Variants in STAG1 observed in about 807,000 individuals in gnomAD.
STAG1 encodes the protein cohesin subunit SA-1.
Under a neutral mutation model 170.9 loss-of-function variants are expected in STAG1, and 26 were observed. The observed-to-expected ratio is 0.15, with a 90% CI of 0.11 to 0.21. The LOEUF (loss-of-function observed/expected upper bound fraction) is 0.21. STAG1 is among the 10% of genes least tolerant of loss of function. The pLI, the probability that STAG1 is intolerant of heterozygous loss-of-function variation, is 1.00. For missense variants in STAG1, 964 were observed against 1,509.5 expected (o/e 0.64, Z 5.99); for synonymous variants, 514 against 497.7 (o/e 1.03, Z -0.44).
intron 6 of STAG1, among the ~76,000 whole-genome samples, chr3:136,528,508 A>G (rs1163210261): frequency 2.6e-5 from 3 of 115,572 alleles, no homozygotes; most frequent in African/African-American, 9.6e-5. Context: ...CCCCCCCCAA[A>G]AAATCACTAA....
chr3:136,584,722 T>G (rs903906760), intron 4 of STAG1, among the ~76,000 whole-genome samples: 1 of 152,186 alleles, frequency 6.6e-6, no homozygotes, highest in Non-Finnish European at 1.5e-5. Context: ...AGCCTCTGAG[T>G]GACAGGTGAA....
At chr3:136,414,922 G>A (rs1426658033) in intron 21 of STAG1, among the ~76,000 whole-genome samples, 1 of 152,130 alleles carries the variant, frequency 6.6e-6, no homozygotes, top group African/African-American at 2.4e-5. Flanking sequence ...GTGAGGGAAA[G>A]GGATCAGGGA....
chr3:136,734,128 A>C (rs953423004), intron 1 of STAG1, among the ~76,000 whole-genome samples: 26 of 151,414 alleles, frequency 1.7e-4, no homozygotes, highest in Non-Finnish European at 3.2e-4. Flanking sequence ...AAAAAACAAA[A>C]CAAAACAAAA....
chr3:136,546,589 T>C (rs1002048179), intron 5 of STAG1, among the ~76,000 whole-genome samples: 1 of 151,784 alleles, frequency 6.6e-6, no homozygotes, highest in Admixed American at 6.6e-5. Flanking sequence ...AAGCAAGGAG[T>C]AGAAAACAGA....
intron 1 of STAG1, among the ~76,000 whole-genome samples, chr3:136,747,291 TTC>T (rs1189885540): frequency 6.7e-6 from 1 of 148,894 alleles, no homozygotes; most frequent in Non-Finnish European, 1.5e-5. Context: ...AAAAAAAGAA[TTC>T]TCTCCTCAAA....
At chr3:136,681,629 G>A (rs777600082) in intron 1 of STAG1, among the ~76,000 whole-genome samples, 2 of 152,106 alleles carry the variant, frequency 1.3e-5, no homozygotes, top group Non-Finnish European at 2.9e-5. Flanking sequence ...TTTTTCAAAT[G>A]TTTCAAGATT....
intron 23 of STAG1, among the ~76,000 whole-genome samples, chr3:136,376,589 T>C (rs925229616): frequency 6.6e-6 from 1 of 152,176 alleles, no homozygotes; most frequent in Non-Finnish European, 1.5e-5. Flanking sequence ...GCATACCCAA[T>C]GTACATATTA....
At chr3:136,435,054 T>C (rs1312889556) in intron 15 of STAG1, among the ~76,000 whole-genome samples, 1 of 152,226 alleles carries the variant, frequency 6.6e-6, no homozygotes, top group African/African-American at 2.4e-5. Flanking sequence ...TCTATGACAA[T>C]GCTTTACTGC....
At chr3:136,527,428 T>C (rs912466341) in intron 6 of STAG1, among the ~76,000 whole-genome samples, 3 of 152,342 alleles carry the variant, frequency 2.0e-5, no homozygotes, top group South Asian at 2.1e-4. Context: ...TCTAGTGCCA[T>C]GGTTTTCAGC....
chr3:136,395,305 C>T (rs956093471), intron 22 of STAG1, among the ~76,000 whole-genome samples: 4 of 151,830 alleles, frequency 2.6e-5, no homozygotes, highest in African/African-American at 9.7e-5. Flanking sequence ...ATTCTCATTC[C>T]AATTATGGAA....
intron 1 of STAG1, among the ~76,000 whole-genome samples, chr3:136,702,115 G>GAGAGAGAGAGAC (rs1943093054): frequency 9.0e-5 from 6 of 66,338 alleles, no homozygotes; most frequent in East Asian, 2.5e-4. Context: ...GAGAGAGAGA[G>GAGAGAGAGAGAC]AGAGAGACAG....
At chr3:136,537,077 A>AT (rs1262486116) in intron 6 of STAG1, among the ~76,000 whole-genome samples, 1 of 152,222 alleles carries the variant, frequency 6.6e-6, no homozygotes, top group Non-Finnish European at 1.5e-5. Context: ...AGTCATCCCA[A>AT]TTTTTTAATT....
chr3:136,675,294 G>A (rs1489979723), intron 1 of STAG1, among the ~76,000 whole-genome samples: 1 of 152,128 alleles, frequency 6.6e-6, no homozygotes, highest in African/African-American at 2.4e-5. Flanking sequence ...TTGCTTCCCT[G>A]TCCTCTTGCT....
chr3:136,751,750 C>G (rs1179550193), intron 1 of STAG1, among the ~76,000 whole-genome samples: 4 of 151,730 alleles, frequency 2.6e-5, no homozygotes, highest in African/African-American at 7.2e-5. Flanking sequence ...GGAAGGCATT[C>G]GCGCCAGCCC....
chr3:136,537,205 G>A (rs766537113), intron 6 of STAG1, among the ~76,000 whole-genome samples: 59 of 152,216 alleles, frequency 3.9e-4, no homozygotes, highest in Middle Eastern at 3.4e-3. Flanking sequence ...ATGGAGTGGT[G>A]TATTGTAAGA....
In STAG1 at chr3:136,687,881, C is replaced by T. The variant is rs555286024; in HGVS notation, c.-83-56900G>A. Reference sequence around the variant, plus strand: ...CCTCCCGAGTAGCTGGGACTACCAACGTCCACCACCATGCCCAGCTAATTT... The same window carrying T: ...CCTCCCGAGTAGCTGGGACTACCAATGTCCACCACCATGCCCAGCTAATTT... On this transcript the variant is annotated intron_variant, in intron 1 of 33. Coordinates refer to ENST00000383202, the MANE Select transcript of STAG1 (RefSeq NM_005862.3). Among the ~76,000 whole-genome samples, 8 of 152,056 alleles carry T rather than the reference C, an allele frequency of 5.3e-5. No homozygotes were observed. The East Asian group carries it at 7.8e-4, about 15-fold the overall frequency.
intron 9 of STAG1, among the ~76,000 whole-genome samples, chr3:136,494,534 A>G (rs1292821688): frequency 1.3e-5 from 2 of 152,200 alleles, no homozygotes; most frequent in Non-Finnish European, 2.9e-5. Context: ...ATCCTTAACA[A>G]AATACTAGCA....
chr3:136,680,898 C>T (rs955919379), intron 1 of STAG1, among the ~76,000 whole-genome samples: 13 of 150,754 alleles, frequency 8.6e-5, no homozygotes, highest in Admixed American at 1.3e-4. Flanking sequence ...CCCACCCCAC[C>T]CTTGTGAATA....
intron 6 of STAG1, among the ~76,000 whole-genome samples, chr3:136,528,392 A>G (rs1935179724): frequency 1.3e-5 from 2 of 151,900 alleles, no homozygotes; most frequent in South Asian, 4.1e-4. Flanking sequence ...GCGCTATAAG[A>G]GATGTGCAGA....
Sources: allele counts gnomAD v4.1 joint callset (sites outside exome capture counted in the v4.1 genomes callset), GRCh38; gene constraint gnomAD v4.1.1; transcripts MANE v1.5; gene names NCBI Gene and HGNC (gene_info 2026-07-23, HGNC 2026-07-21).